PCDH15: variants seen among roughly 807,000 people sequenced by gnomAD.
PCDH15 encodes the protein protocadherin-15.
A neutral mutation model predicts 178.5 loss-of-function variants in PCDH15; 129 were observed. The observed-to-expected ratio is 0.72, with a 90% CI of 0.63 to 0.84. The LOEUF (loss-of-function observed/expected upper bound fraction) is 0.84, where lower values mean the gene tolerates loss of function less well. PCDH15 is among the 40% of genes least tolerant of loss of function. PCDH15 has a pLI of 0.00. For missense variants in PCDH15, 2,230 were observed against 2,099.9 expected (o/e 1.06, Z -1.21); for synonymous variants, 800 against 732.0 (o/e 1.09, Z -1.50).
chr10:55,255,850 C>T (rs187951853), intron 1 of PCDH15, among the ~76,000 whole-genome samples: 26 of 152,204 alleles, frequency 1.7e-4, no homozygotes, highest in African/African-American at 6.0e-4. Flanking sequence ...TAGATATTAG[C>T]CCTTTGCCAG....
intron 2 of PCDH15, among the ~76,000 whole-genome samples, chr10:54,561,028 G>A (rs2088069486): frequency 6.6e-6 from 1 of 152,046 alleles, no homozygotes; most frequent in Non-Finnish European, 1.5e-5. Context: ...CTGTTAATGT[G>A]AACACAGTAA....
chr10:54,165,245 A>T (rs945815452), intron 13 of PCDH15, among the ~76,000 whole-genome samples: 2 of 152,162 alleles, frequency 1.3e-5, no homozygotes, highest in African/African-American at 4.8e-5. Context: ...TCCTAGAATA[A>T]TCCAAGATGA....
chr10:54,835,246 T>G (rs1032811378), intron 3 of PCDH15, among the ~76,000 whole-genome samples: 8 of 152,172 alleles, frequency 5.3e-5, no homozygotes, highest in Non-Finnish European at 1.0e-4. Flanking sequence ...CGCAATGAAT[T>G]AATTCTAGAA....
intron 2 of PCDH15, among the ~76,000 whole-genome samples, chr10:54,985,739 A>G (rs1839348078): frequency 6.6e-6 from 1 of 152,228 alleles, no homozygotes; most frequent in Non-Finnish European, 1.5e-5. Context: ...TACTGAATGT[A>G]TATCATTTCA....
chr10:54,810,392 C>T (rs1036304390), intron 3 of PCDH15, among the ~76,000 whole-genome samples: 3 of 152,046 alleles, frequency 2.0e-5, no homozygotes, highest in Non-Finnish European at 2.9e-5. Context: ...AATATCCTGG[C>T]CTAGAGTTCT....
chr10:54,948,162 G>A (rs999870846), intron 2 of PCDH15, among the ~76,000 whole-genome samples: 2 of 152,040 alleles, frequency 1.3e-5, no homozygotes, highest in Admixed American at 6.6e-5. Flanking sequence ...TATGCAAGTT[G>A]ATTTGTAGTT....
At chr10:53,865,413 A>C (rs1020448941) in intron 27 of PCDH15, among the ~76,000 whole-genome samples, 3 of 152,186 alleles carry the variant, frequency 2.0e-5, no homozygotes, top group African/African-American at 7.2e-5. Flanking sequence ...CAAAAGAATG[A>C]TGGGTTTAGC....
At chr10:55,560,355 A>T (rs1564454481) in intron 2 of PCDH15, among the ~76,000 whole-genome samples, 1 of 151,822 alleles carries the variant, frequency 6.6e-6, no homozygotes, top group East Asian at 1.9e-4. Flanking sequence ...TATCACACCC[A>T]ATAACATCCT....
chr10:55,588,729 T>C (rs1842775701), intron 2 of PCDH15, among the ~76,000 whole-genome samples: 1 of 151,014 alleles, frequency 6.6e-6, no homozygotes, highest in South Asian at 2.1e-4. Context: ...TTGAAGAAAA[T>C]GAAGTCAAAA....
At chr10:55,417,774 A>AG (rs1838519995) in intron 2 of PCDH15, among the ~76,000 whole-genome samples, 2 of 151,458 alleles carry the variant, frequency 1.3e-5, no homozygotes, top group African/African-American at 2.4e-5. Context: ...GAAAAAAAAA[A>AG]CAAGTGAGAT....
intron 2 of PCDH15, among the ~76,000 whole-genome samples, chr10:54,581,296 C>T (rs759243170): frequency 2.0e-5 from 3 of 151,944 alleles, no homozygotes; most frequent in Non-Finnish European, 2.9e-5. Context: ...CTATAATGTT[C>T]AAGTGGAGAG....
intron 2 of PCDH15, among the ~76,000 whole-genome samples, chr10:55,054,151 A>C (rs1021888143): frequency 1.3e-5 from 2 of 152,074 alleles, no homozygotes; most frequent in Admixed American, 6.5e-5. Context: ...TTTAAATCCT[A>C]CTCATGTACT....
chr10:54,715,660 T>G (rs898912786), intron 1 of PCDH15, among the ~76,000 whole-genome samples: 1 of 151,936 alleles, frequency 6.6e-6, no homozygotes, highest in Admixed American at 6.6e-5. Context: ...GGATAGGAGC[T>G]TCAGTTGCCA....
chr10:54,468,979 T>G (rs958156003), intron 3 of PCDH15, among the ~76,000 whole-genome samples: 1 of 152,214 alleles, frequency 6.6e-6, no homozygotes, highest in Non-Finnish European at 1.5e-5. Context: ...TTTTTTTGCT[T>G]CCATTTGCAT....
chr10:54,110,347 G>A (rs532723574), intron 15 of PCDH15, among the ~76,000 whole-genome samples: 4 of 151,674 alleles, frequency 2.6e-5, no homozygotes, highest in East Asian at 3.9e-4. Context: ...AGAGTAAATG[G>A]TATGGGATCA....
At chr10:55,582,604 A>ATATATATATATATATGTG (rs1842637976) in intron 2 of PCDH15, among the ~76,000 whole-genome samples, 1 of 85,034 alleles carries the variant, frequency 1.2e-5, no homozygotes, top group African/African-American at 5.2e-5. Context: ...GTGTATATAT[A>ATATATATATATATATGTG]TATATATATA....
intron 21 of PCDH15, among the ~76,000 whole-genome samples, chr10:53,992,809 A>T (rs985239641): frequency 6.6e-6 from 1 of 152,224 alleles, no homozygotes; most frequent in African/African-American, 2.4e-5. Context: ...GCACGGTAGA[A>T]AAAAGAGATC....
chr10:54,074,893 T>G (rs1025177302), intron 17 of PCDH15, among the ~76,000 whole-genome samples: 6 of 152,120 alleles, frequency 3.9e-5, no homozygotes, highest in African/African-American at 1.4e-4. Flanking sequence ...TTTCTGTTTG[T>G]TTTTTATAAT....
chr10:54,813,962 C>G (rs894045153), intron 3 of PCDH15, among the ~76,000 whole-genome samples: 1 of 152,120 alleles, frequency 6.6e-6, no homozygotes, highest in Admixed American at 6.6e-5. Context: ...ATTAATAAAG[C>G]ATGTCACAAT....
Sources: gnomAD v4.1 joint callset for allele counts (sites outside exome capture counted in the v4.1 genomes callset) on GRCh38, gnomAD v4.1.1 for gene constraint, MANE v1.5 for transcripts, NCBI Gene and HGNC (gene_info 2026-07-23, HGNC 2026-07-21) for gene names.